The following FHOD3 variants were observed in gnomAD, a reference collection of about 807,000 sequenced individuals.
The protein encoded by FHOD3 is formin homology 2 domain containing 3.
Under a neutral mutation model 173.0 loss-of-function variants are expected in FHOD3, and 90 were observed. That is an observed-to-expected ratio of 0.52 (90% CI 0.44 to 0.62). The LOEUF is 0.62. Ranked by LOEUF, FHOD3 falls within the 20% of genes least tolerant of loss-of-function variation. The probability of loss-of-function intolerance (pLI) is 0.00; values close to 1 mark genes in which losing one functional copy is unlikely to be tolerated. For synonymous variants in FHOD3, 828 were observed against 823.0 expected (o/e 1.01, Z -0.10); for missense variants, 1,945 against 2,034.7 (o/e 0.96, Z 0.85).
intron 7 of FHOD3, among the ~76,000 whole-genome samples, chr18:36,596,043 T>TGTGC (rs2030306030): frequency 6.6e-6 from 1 of 152,244 alleles, no homozygotes. Context: ...TGTGTGTGTG[T>TGTGC]GTGCGTGCAC....
At chr18:36,314,599 G>A (rs998964354) in intron 1 of FHOD3, among the ~76,000 whole-genome samples, 5 of 152,212 alleles carry the variant, frequency 3.3e-5, no homozygotes, top group African/African-American at 1.2e-4. Context: ...AGTATTAGAT[G>A]TTTGGTTTTT....
chr18:36,539,366 G>A (rs142176593), intron 5 of FHOD3, among the ~76,000 whole-genome samples: 33 of 152,332 alleles, frequency 2.2e-4, no homozygotes, highest in Middle Eastern at 3.4e-3. Context: ...AATAATTCAC[G>A]TGTATAGAAG....
chr18:36,748,030 C>A (rs1344515963), intron 24 of FHOD3, among the ~76,000 whole-genome samples: 2 of 152,050 alleles, frequency 1.3e-5, no homozygotes, highest in African/African-American at 4.8e-5. Context: ...GTGTCAGTTT[C>A]TGCTTTGATA....
intron 3 of FHOD3, among the ~76,000 whole-genome samples, chr18:36,438,986 A>C (rs1319042941): frequency 1.3e-5 from 2 of 152,220 alleles, no homozygotes; most frequent in Non-Finnish European, 2.9e-5. Flanking sequence ...AGTTGCAGAC[A>C]CAAGCCATTT....
chr18:36,477,236 T>C (rs2053621194), intron 3 of FHOD3, among the ~76,000 whole-genome samples: 1 of 152,050 alleles, frequency 6.6e-6, no homozygotes, highest in African/African-American at 2.4e-5. Flanking sequence ...GTTGGGATGG[T>C]GCAGTTCCTG....
chr18:36,404,621 G>A (rs1299514133), intron 3 of FHOD3, among the ~76,000 whole-genome samples: 4 of 151,990 alleles, frequency 2.6e-5, no homozygotes, highest in Admixed American at 2.6e-4. Flanking sequence ...CTGAGATCCT[G>A]AATTTCTGAC....
At chr18:36,476,239 G>T (rs1250402183) in intron 3 of FHOD3, among the ~76,000 whole-genome samples, 1 of 152,146 alleles carries the variant, frequency 6.6e-6, no homozygotes, top group Non-Finnish European at 1.5e-5. Context: ...CTCCTGTTCC[G>T]CTGGGTGCTG....
At chr18:36,430,946 C>T (rs111412838) in intron 3 of FHOD3, among the ~76,000 whole-genome samples, 39 of 152,120 alleles carry the variant, frequency 2.6e-4, no homozygotes, top group African/African-American at 9.2e-4. Flanking sequence ...TCAGTGTCCT[C>T]TGTCTAGAGG....
intron 14 of FHOD3, among the ~76,000 whole-genome samples, chr18:36,666,909 A>G (rs1315867546): frequency 6.6e-6 from 1 of 152,162 alleles, no homozygotes. Flanking sequence ...CCTCTTTGTG[A>G]TTATTGCTGC....
intron 5 of FHOD3, among the ~76,000 whole-genome samples, chr18:36,537,523 G>A (rs1256538926): frequency 6.6e-6 from 1 of 152,088 alleles, no homozygotes; most frequent in Non-Finnish European, 1.5e-5. Context: ...TCCTTGCTGG[G>A]TGGGTGTCAG....
At chr18:36,777,237 C>T (rs1423717592) in intron 28 of FHOD3, among the ~76,000 whole-genome samples, 1 of 133,804 alleles carries the variant, frequency 7.5e-6, no homozygotes, top group Non-Finnish European at 1.5e-5. Context: ...GGGCCTCGCT[C>T]TGTCACCCAG....
chr18:36,668,777 A>AT (rs2037346433), intron 14 of FHOD3, among the ~76,000 whole-genome samples: 1 of 152,020 alleles, frequency 6.6e-6, no homozygotes, highest in Non-Finnish European at 1.5e-5. Flanking sequence ...GCTTATAAGT[A>AT]TTTGTGGATA....
chr18:36,481,698 G>C (rs1368872914), intron 3 of FHOD3, among the ~76,000 whole-genome samples: 1 of 152,046 alleles, frequency 6.6e-6, no homozygotes, highest in Non-Finnish European at 1.5e-5. Flanking sequence ...TTATTACCAT[G>C]GGAATTAATG....
chr18:36,339,364 G>T (rs908175486), intron 1 of FHOD3, among the ~76,000 whole-genome samples: 3 of 152,182 alleles, frequency 2.0e-5, no homozygotes, highest in African/African-American at 7.2e-5. Context: ...AGGAAGTGTT[G>T]AGTGGTGGCC....
At chr18:36,575,744 T>C (rs992280694) in intron 5 of FHOD3, among the ~76,000 whole-genome samples, 1 of 152,202 alleles carries the variant, frequency 6.6e-6, no homozygotes, top group Non-Finnish European at 1.5e-5. Flanking sequence ...TTGATAATAA[T>C]GGAGTTGAAA....
chr18:36,507,118 A>G (rs1052523319), intron 4 of FHOD3, among the ~76,000 whole-genome samples: 1 of 152,182 alleles, frequency 6.6e-6, no homozygotes, highest in African/African-American at 2.4e-5. Flanking sequence ...CCTGTTAAGT[A>G]CTTATTTGTG....
At chr18:36,392,183 G>A (rs187664923) in intron 3 of FHOD3, among the ~76,000 whole-genome samples, 14 of 152,306 alleles carry the variant, frequency 9.2e-5, no homozygotes, top group Non-Finnish European at 1.8e-4. Context: ...GACAGTCATA[G>A]GGTTTTGGGG....
In FHOD3 at chr18:36,658,124, G is replaced by A; in HGVS notation, c.1771G>A (p.Gly591Arg). 3 of 1,600,326 alleles carry A rather than the reference G, an allele frequency of 1.9e-6. 1 individual carries two copies. The highest frequency in any genetic ancestry group is 2.6e-6 in the Non-Finnish European group (3 of 1,174,608). The change falls in exon 14 of 29, where the codon GGA becomes AGA. Residue 591 changes from glycine (G) to arginine (R), a missense_variant. By Grantham distance (125) the Gly-to-Arg change is moderately radical. This residue lies in a region of FHOD3 where 1,099 missense variants were observed against 1,051.2 expected (regional missense o/e 1.05). Coordinates refer to ENST00000590592, the MANE Select transcript of FHOD3 (RefSeq NM_001281740.3). ...TTATCACTCCTCAAGACCCTCATCT[G>A]GATCCAGTGTGCCCACCACCCCCAC... ...NSYHSSRPSS[G>R]SSVPTTPTSS... is the part of the protein sequence containing the mutation.
At position 36,649,315 on chromosome 18, in the gene FHOD3, G is replaced by A. The variant is rs1349136278; in HGVS notation, c.1197-1G>A. ...TTTCTCTTTTCCTGGCTTTGTCTCA[G>A]GGAGGAGGAGGAGGAAGAGGAGCAG... On this transcript the variant is annotated splice_acceptor_variant, in intron 10 of 28. Transcript: ENST00000590592. LOFTEE classifies it high-confidence loss of function. 4.6e-6 allele frequency: 7 copies of A among 1,534,916 alleles called. No homozygotes were observed. The highest frequency in any genetic ancestry group is 2.4e-5 in the East Asian group (1 of 40,906).
Sources: allele counts gnomAD v4.1 joint callset (sites outside exome capture counted in the v4.1 genomes callset), GRCh38; gene constraint gnomAD v4.1.1; regional missense constraint gnomAD v4.1.1; transcripts MANE v1.5; gene names NCBI Gene and HGNC (gene_info 2026-07-23, HGNC 2026-07-21).